Variants in TRHDE observed in about 807,000 individuals in gnomAD.
TRHDE encodes thyrotropin releasing hormone degrading enzyme, also known as thyrotropin-releasing hormone-degrading ectoenzyme.
Under a neutral mutation model 125.7 loss-of-function variants are expected in TRHDE, and 72 were observed. The ratio of observed to expected loss-of-function variants is 0.57; its 90% CI spans 0.47 to 0.70. The LOEUF is 0.70. TRHDE is among the 30% of genes least tolerant of loss of function. The pLI is 0.00. For synonymous variants in TRHDE, 509 were observed against 509.1 expected (o/e 1.00, Z 0.00); for missense variants, 1,110 against 1,327.1 (o/e 0.84, Z 2.54).
At position 72,669,351 on chromosome 12, in the gene TRHDE, A is replaced by G. The variant is rs1288143157; in HGVS notation, c.*6156A>G. 2.6e-5 allele frequency: 4 copies of G among 151,816 alleles called. No homozygotes were observed. The highest frequency in any genetic ancestry group is 2.1e-4 in the South Asian group (1 of 4,834). The allele number at this position is 151,816 out of a possible 1,614,324, so 9.4% of individuals were successfully genotyped here. ...AATTTACTTAAACTTAACATTTTCA[A>G]TGGGTTTGCTGTGTGAAGATACAGT... On this transcript the variant is annotated 3_prime_UTR_variant, in exon 19 of 19. Transcript: ENST00000261180.
intron 10 of TRHDE, among the ~76,000 whole-genome samples, chr12:72,569,838 T>A (rs1870635091): frequency 6.6e-6 from 1 of 152,200 alleles, no homozygotes; most frequent in Non-Finnish European, 1.5e-5. Context: ...TATAATCTAT[T>A]CTTTCAATTA....
chr12:72,184,850 G>C (rs1255891792), intron 2 of TRHDE, among the ~76,000 whole-genome samples: 9 of 152,170 alleles, frequency 5.9e-5, no homozygotes, highest in African/African-American at 2.2e-4. Flanking sequence ...GATTTCCTCA[G>C]TAATTTTGAG....
At chr12:72,467,619 A>T (rs1876444679) in intron 3 of TRHDE, among the ~76,000 whole-genome samples, 1 of 152,174 alleles carries the variant, frequency 6.6e-6, no homozygotes, top group South Asian at 2.1e-4. Flanking sequence ...GTTCAAGACC[A>T]GCCTGGACAA....
At chr12:72,579,087 G>GATTGC (rs1239982485) in intron 12 of TRHDE, among the ~76,000 whole-genome samples, 1 of 150,306 alleles carries the variant, frequency 6.7e-6, no homozygotes, top group African/African-American at 2.5e-5. Flanking sequence ...TTAGAATCAA[G>GATTGC]ATTGCAATGA....
intron 1 of TRHDE, among the ~76,000 whole-genome samples, chr12:72,088,588 A>G (rs1183613993): frequency 6.6e-6 from 1 of 152,068 alleles, no homozygotes; most frequent in Non-Finnish European, 1.5e-5. Flanking sequence ...CAGCAGCATA[A>G]CTTTGCTGCG....
At chr12:72,634,554 C>G (rs748126649) in intron 15 of TRHDE, among the ~76,000 whole-genome samples, 104 of 151,418 alleles carry the variant, frequency 6.9e-4, no homozygotes, top group African/African-American at 2.4e-3. Flanking sequence ...ACAATGTGCA[C>G]GTTACTTACA....
At chr12:72,626,397 G>T (rs1873259520) in intron 15 of TRHDE, among the ~76,000 whole-genome samples, 1 of 151,840 alleles carries the variant, frequency 6.6e-6, no homozygotes, top group Non-Finnish European at 1.5e-5. Flanking sequence ...CTATCTTTGG[G>T]TAGTGGGTCG....
chr12:72,287,093 G>T (rs528225883), intron 2 of TRHDE, 139 bp downstream of exon 2: 58 of 951,010 alleles, frequency 6.1e-5, no homozygotes, highest in East Asian at 5.3e-4. Flanking sequence ...TTATGGGGGG[G>T]TTTTTACATA....
At chr12:72,547,412 T>C (rs1237857910) in intron 7 of TRHDE, among the ~76,000 whole-genome samples, 1 of 151,806 alleles carries the variant, frequency 6.6e-6, no homozygotes, top group African/African-American at 2.4e-5. Context: ...TGAGTTGATT[T>C]GATTATATCA....
At chr12:72,596,524 C>CT (rs1871947976) in intron 12 of TRHDE, among the ~76,000 whole-genome samples, 1 of 152,034 alleles carries the variant, frequency 6.6e-6, no homozygotes, top group East Asian at 1.9e-4. Context: ...ATACATTGGT[C>CT]TAAGGTATTT....
chr12:72,322,848 C>T (rs4280042), intron 2 of TRHDE, among the ~76,000 whole-genome samples: 92,790 of 151,894 alleles, frequency 0.61, 29,235 homozygotes, highest in Non-Finnish European at 0.69. Flanking sequence ...ATTTGTGTAT[C>T]AGTTAACAGT....
chr12:72,350,653 A>G (rs1870541060), intron 2 of TRHDE, among the ~76,000 whole-genome samples: 1 of 151,790 alleles, frequency 6.6e-6, no homozygotes, highest in African/African-American at 2.4e-5. Flanking sequence ...TAGGTACTGA[A>G]CTCCCTTCCT....
At chr12:72,190,214 A>G (rs750181002) in intron 2 of TRHDE, among the ~76,000 whole-genome samples, 1 of 152,212 alleles carries the variant, frequency 6.6e-6, no homozygotes, top group Non-Finnish European at 1.5e-5. Flanking sequence ...TCACATTTCC[A>G]AAATACCTAC....
At chr12:72,561,950 G>T (rs933444092) in intron 7 of TRHDE, among the ~76,000 whole-genome samples, 1 of 152,068 alleles carries the variant, frequency 6.6e-6, no homozygotes, top group African/African-American at 2.4e-5. Context: ...TTATGAAAAT[G>T]ATTTTTAAGA....
intron 2 of TRHDE, among the ~76,000 whole-genome samples, chr12:72,313,883 C>T (rs111632681): frequency 2.2e-4 from 33 of 152,306 alleles, no homozygotes; most frequent in African/African-American, 7.9e-4. Context: ...GGGCAAGTTT[C>T]CTTACAGTTC....
At chr12:72,544,989 A>G (rs1236682404) in intron 7 of TRHDE, among the ~76,000 whole-genome samples, 1 of 151,474 alleles carries the variant, frequency 6.6e-6, no homozygotes. Flanking sequence ...TTTTGTTTCT[A>G]TAGTCATATT....
At chr12:72,161,492 A>G (rs1370881200) in intron 2 of TRHDE, among the ~76,000 whole-genome samples, 1 of 152,036 alleles carries the variant, frequency 6.6e-6, no homozygotes, top group Admixed American at 6.6e-5. Context: ...CTGTGATGTT[A>G]GCTATACATC....
At chr12:72,433,561 C>T (rs988665150) in intron 3 of TRHDE, among the ~76,000 whole-genome samples, 4 of 151,834 alleles carry the variant, frequency 2.6e-5, no homozygotes, top group Non-Finnish European at 5.9e-5. Context: ...TCACTATTTT[C>T]AGCCTCTCAC....
chr12:72,099,144 A>T (rs1053190410), intron 1 of TRHDE, among the ~76,000 whole-genome samples: 2 of 151,520 alleles, frequency 1.3e-5, no homozygotes, highest in East Asian at 3.9e-4. Context: ...AGCCTGGGCA[A>T]CAGAGTGAGA....
Sources: allele counts gnomAD v4.1 joint callset (sites outside exome capture counted in the v4.1 genomes callset), GRCh38; gene constraint gnomAD v4.1.1; transcripts MANE v1.5; gene names NCBI Gene and HGNC (gene_info 2026-07-23, HGNC 2026-07-21).